Variants in SULT2B1 observed in about 807,000 individuals in gnomAD.
SULT2B1 encodes sulfotransferase 2B1.
Under a neutral mutation model 33.2 loss-of-function variants are expected in SULT2B1, and 16 were observed. The ratio of observed to expected loss-of-function variants is 0.48; its 90% CI spans 0.33 to 0.73. The LOEUF (loss-of-function observed/expected upper bound fraction) is 0.73. SULT2B1 is among the 30% of genes least tolerant of loss of function. SULT2B1 has a pLI of 0.02. For missense variants in SULT2B1, 500 were observed against 506.0 expected (o/e 0.99, Z 0.11); for synonymous variants, 186 against 200.5 (o/e 0.93, Z 0.61).
At chr19:48,581,198 G>A (rs1407483873) in intron 2 of SULT2B1, among the ~76,000 whole-genome samples, 4 of 95,008 alleles carry the variant, frequency 4.2e-5, no homozygotes, top group African/African-American at 1.2e-4. Context: ...CACCATGCCT[G>A]GTTTTTGCAT....
intron 5 of SULT2B1, among the ~76,000 whole-genome samples, chr19:48,595,623 A>C (rs1401523963): frequency 6.7e-6 from 1 of 150,158 alleles, no homozygotes; most frequent in Non-Finnish European, 1.5e-5. Flanking sequence ...AGGTATTGGA[A>C]GAGCTGTGAC....
rs193038919 is a variant in SULT2B1 at position 48,552,981 on chromosome 19, C to G, written c.71+658C>G. On this transcript the variant is annotated intron_variant, in intron 1 of 6. Transcript: ENST00000201586. The surrounding 1 kb of genome is among the most constrained non-coding windows in gnomAD (Gnocchi z 4.8). ...AGGCTGGGAGGGAACGCGACATGAC[C>G]GCAATTACGCAGCTAGAAGCAAATC... is the stretch of plus-strand genomic sequence containing the variant. 1.3e-5 allele frequency among the ~76,000 whole-genome samples: 2 copies of G among 152,102 alleles called. No homozygotes were observed. Among genetic ancestry groups the G allele is most frequent in the Non-Finnish European group, 2.9e-5 (2 of 68,018 alleles).
At chr19:48,576,797 T>C (rs58937410) in intron 2 of SULT2B1, among the ~76,000 whole-genome samples, 1,534 of 151,562 alleles carry the variant, frequency 0.01, 31 homozygotes, top group African/African-American at 0.035. Context: ...TGCACCACCA[T>C]GCCTGGCTAA....
At chr19:48,553,986 G>T (rs891889920) in intron 1 of SULT2B1, among the ~76,000 whole-genome samples, 3 of 151,612 alleles carry the variant, frequency 2.0e-5, no homozygotes, top group East Asian at 1.9e-4. Flanking sequence ...TTTTATCTCC[G>T]CGACGGCTCT....
At chr19:48,568,790 C>T (rs1973278033) in intron 1 of SULT2B1, among the ~76,000 whole-genome samples, 1 of 152,206 alleles carries the variant, frequency 6.6e-6, no homozygotes, top group Non-Finnish European at 1.5e-5. Flanking sequence ...TGAGAAATCC[C>T]TCCTGCTGTC....
At chr19:48,574,276 C>T (rs1016752519) in intron 1 of SULT2B1, among the ~76,000 whole-genome samples, 2 of 152,182 alleles carry the variant, frequency 1.3e-5, no homozygotes, top group African/African-American at 4.8e-5. Flanking sequence ...TCATTCCTTC[C>T]TTCCTTCCTT....
At chr19:48,558,819 G>A (rs976357354) in intron 1 of SULT2B1, among the ~76,000 whole-genome samples, 17 of 151,626 alleles carry the variant, frequency 1.1e-4, no homozygotes, top group African/African-American at 3.6e-4. Flanking sequence ...TGAGTAGCTG[G>A]GACTACAGGC....
chr19:48,575,898 C>A (rs768737104), intron 1 of SULT2B1, 43 bp from the exon 2 acceptor site: 1 of 1,587,466 alleles, frequency 6.3e-7, no homozygotes, highest in East Asian at 2.3e-5. Flanking sequence ...CCAGCACCCA[C>A]CTCCCTACTC....
In SULT2B1 at chr19:48,564,798, G is replaced by T. The variant is rs567205542; in HGVS notation, c.72-11143G>T. Among the ~76,000 whole-genome samples, 3 of 151,884 alleles carry T rather than the reference G, an allele frequency of 2.0e-5. No homozygotes were observed. The East Asian group carries it at 5.8e-4, about 30-fold the overall frequency. On this transcript the variant is annotated intron_variant, in intron 1 of 6. Coordinates refer to ENST00000201586, the MANE Select transcript of SULT2B1 (RefSeq NM_177973.2). ...TATCAATCCTTCTGGGTTTGTTGTT[G>T]TTGTTGTTTTGAGATGGGGTTTCAC...
At chr19:48,557,884 A>G (rs948257129) in intron 1 of SULT2B1, among the ~76,000 whole-genome samples, 7 of 152,144 alleles carry the variant, frequency 4.6e-5, no homozygotes, top group Admixed American at 3.3e-4. Context: ...GTGTCATTAC[A>G]CTCCAGCCTG....
Position 48,578,085 on chromosome 19 carries a change from C to T in SULT2B1, c.214+2002C>T, listed in dbSNP as rs138708664. 3.6e-4 allele frequency among the ~76,000 whole-genome samples: 55 copies of T among 151,640 alleles called. 2 individuals are homozygous for T. The highest frequency in any genetic ancestry group is 1.3e-3 in the African/African-American group (53 of 41,346). On this transcript the variant is annotated intron_variant, in intron 2 of 6. Coordinates refer to ENST00000201586, the MANE Select transcript of SULT2B1 (RefSeq NM_177973.2). ...AAAATTAGCCAGGCGTGGTGGTGTG[C>T]GCCTGTAGTCCCAGCCACTTGGGAG...
intron 1 of SULT2B1, among the ~76,000 whole-genome samples, chr19:48,568,339 C>T (rs148959368): frequency 2.2e-4 from 34 of 151,222 alleles, no homozygotes; most frequent in South Asian, 2.1e-4. Context: ...CAGCAGGATG[C>T]GGAGATGGGC....
rs931741083 is a variant in SULT2B1 at position 48,576,052 on chromosome 19, C to T, written c.183C>T (p.Asp61=). 3 of 1,613,246 alleles carry T rather than the reference C, an allele frequency of 1.9e-6. No individual in the cohort carries two copies. Among genetic ancestry groups the T allele is most frequent in the African/African-American group, 2.7e-5 (2 of 74,982 alleles). ...LAENTQDVRD[D]DIFIITYPKS... ...AGAACACCCAAGATGTGCGGGACGACGACATCTTTATCATCACCTACCCCA... is the reference window on the plus strand; with the variant it reads ...AGAACACCCAAGATGTGCGGGACGATGACATCTTTATCATCACCTACCCCA... The change falls in exon 2 of 7, where the codon GAC becomes GAT. Residue 61 remains aspartate, a synonymous_variant. Coordinates refer to ENST00000201586, the MANE Select transcript of SULT2B1 (RefSeq NM_177973.2).
chr19:48,589,581 G>T (rs1438325469), intron 3 of SULT2B1, among the ~76,000 whole-genome samples: 1 of 152,192 alleles, frequency 6.6e-6, no homozygotes, highest in Non-Finnish European at 1.5e-5. Flanking sequence ...CCACCCTCAG[G>T]CTCAACGACT....
chr19:48,566,141 G>C (rs1973241127), intron 1 of SULT2B1, among the ~76,000 whole-genome samples: 1 of 151,912 alleles, frequency 6.6e-6, no homozygotes, highest in Non-Finnish European at 1.5e-5. Context: ...CAAACTCCTG[G>C]TGTCGAACTC....
chr19:48,577,643 T>C (rs1204652535), intron 2 of SULT2B1, among the ~76,000 whole-genome samples: 2 of 151,934 alleles, frequency 1.3e-5, no homozygotes, highest in African/African-American at 2.4e-5. Flanking sequence ...CGATTACAGG[T>C]GTGAGCCCGG....
chr19:48,581,458 A>C (rs1601102869), intron 2 of SULT2B1, among the ~76,000 whole-genome samples: 1 of 140,552 alleles, frequency 7.1e-6, no homozygotes, highest in Non-Finnish European at 1.5e-5. Context: ...TTTTCTTATC[A>C]TTGAGATTTG....
chr19:48,555,430 T>A (rs1973085250), intron 1 of SULT2B1, among the ~76,000 whole-genome samples: 1 of 152,060 alleles, frequency 6.6e-6, no homozygotes, highest in Admixed American at 6.6e-5. Flanking sequence ...GCCACGCTTG[T>A]TCCCTGCCAC....
chr19:48,555,549 C>CCTCTCTCT (rs142655043), intron 1 of SULT2B1, among the ~76,000 whole-genome samples: 3,228 of 124,028 alleles, frequency 0.026, 80 homozygotes, highest in Middle Eastern at 0.058. Flanking sequence ...CCAGAGACAT[C>CCTCTCTCT]CTCTCTCTCT....
Sources: gnomAD v4.1 joint callset for allele counts (sites outside exome capture counted in the v4.1 genomes callset) on GRCh38, gnomAD v4.1.1 for gene constraint, Gnocchi (gnomAD v3.1) non-coding constraint, MANE v1.5 for transcripts, NCBI Gene and HGNC (gene_info 2026-07-23, HGNC 2026-07-21) for gene names.